Variants in KIAA2012 observed in about 807,000 individuals in gnomAD.
KIAA2012 encodes the protein KIAA2012, also known as uncharacterized protein KIAA2012.
In KIAA2012, 125 loss-of-function variants were observed where a neutral mutation model predicts 150.6. The observed-to-expected ratio is 0.83, with a 90% CI of 0.72 to 0.96. The LOEUF is 0.96. KIAA2012 is among the 40% of genes least tolerant of loss of function. The probability of loss-of-function intolerance (pLI) is 0.00; values close to 1 mark genes in which losing one functional copy is unlikely to be tolerated. For synonymous variants in KIAA2012, 462 were observed against 504.7 expected, an observed-to-expected ratio of 0.92 and a Z score of 1.13; for missense variants, 1,219 against 1,354.9, an observed-to-expected ratio of 0.90 and a Z score of 1.57.
chr2:202,187,142 G>C, intron 17 of KIAA2012, 44 bp downstream of exon 17: 2 of 1,539,798 alleles, frequency 1.3e-6, no homozygotes, highest in South Asian at 2.4e-5. Context: ...GCCCTACTTG[G>C]ATCTCATCAA....
chr2:202,201,626 G>A, intron 22 of KIAA2012: 5 of 1,610,876 alleles, frequency 3.1e-6, no homozygotes, highest in Non-Finnish European at 4.2e-6. Flanking sequence ...AAGCCATGGG[G>A]ATTGTGGAAC....
At chr2:202,195,034 C>T (rs781565533) in intron 21 of KIAA2012, among the ~76,000 whole-genome samples, 1 of 151,740 alleles carries the variant, frequency 6.6e-6, no homozygotes, top group Admixed American at 6.6e-5. Flanking sequence ...TCCCAAAGTG[C>T]TGGGATTACA....
chr2:202,175,512 A>G (rs1691974319), intron 15 of KIAA2012, among the ~76,000 whole-genome samples: 1 of 152,246 alleles, frequency 6.6e-6, no homozygotes, highest in Non-Finnish European at 1.5e-5. Flanking sequence ...ATGAGGGCAG[A>G]GCCCTCATAA....
Position 202,074,968 on chromosome 2 carries a change from C to G in KIAA2012, c.162C>G (p.His54Gln). ...AAGATAAGAACAATGCCAGTCAGCA[C>G]TCCTGGAGCCTCTTTCTCCCTAAAA... ...KPQDKNNASQ[H>Q]SWSLFLPKTF... Residue 54 changes from histidine to glutamine, a missense_variant, in exon 2 of 24, where the codon CAC (histidine) becomes CAG (glutamine). By Grantham distance (24) the His-to-Gln change is conservative. Coordinates refer to ENST00000498697, the MANE Select transcript of KIAA2012 (RefSeq NM_001277372.4). 1 of 1,550,900 alleles carries G rather than the reference C, an allele frequency of 6.4e-7. No homozygotes were observed. The highest frequency in any genetic ancestry group is 8.7e-7 in the Non-Finnish European group (1 of 1,147,060).
intron 5 of KIAA2012, among the ~76,000 whole-genome samples, chr2:202,099,362 AT>A (rs957651215): frequency 1.3e-5 from 2 of 151,918 alleles, no homozygotes; most frequent in Non-Finnish European, 2.9e-5. Context: ...AAATCTTGTG[AT>A]TTTTTTTCAC....
intron 11 of KIAA2012, chr2:202,114,935 C>T (rs1056322313): frequency 3.0e-5 from 5 of 167,482 alleles, no homozygotes; most frequent in African/African-American, 1.2e-4. Context: ...TGACCTTTCT[C>T]AAGCCTTTCC....
chr2:202,142,469 T>G (rs944533649), intron 13 of KIAA2012, among the ~76,000 whole-genome samples: 1 of 152,116 alleles, frequency 6.6e-6, no homozygotes, highest in African/African-American at 2.4e-5. Flanking sequence ...AGCCTAAGAG[T>G]GTAACATCAG....
At position 202,103,002 on chromosome 2, in the gene KIAA2012, GC is replaced by G; in HGVS notation, c.1216del (p.Leu406Ter). 6.4e-7 allele frequency: 1 copy of G among 1,550,534 alleles called. No individual in the cohort carries two copies. Among genetic ancestry groups the G allele is most frequent in the Non-Finnish European group, 8.7e-7 (1 of 1,146,992 alleles). On this transcript the variant is annotated frameshift_variant, in exon 8 of 24. Coordinates refer to ENST00000498697, the MANE Select transcript of KIAA2012 (RefSeq NM_001277372.4). LOFTEE classifies it high-confidence loss of function. The part of the protein sequence containing the change: ...ISEEPPRVLE[P>X]LKSQFKANEP... ...CAGAAGAACCACCCAGAGTCTTGGAGCCCCTGAAGAGCCAATTTAAAGCCAA... is the reference window on the plus strand; with the variant it reads ...CAGAAGAACCACCCAGAGTCTTGGAGCCCTGAAGAGCCAATTTAAAGCCAA...
At chr2:202,117,424 G>C (rs1006861942) in intron 11 of KIAA2012, among the ~76,000 whole-genome samples, 1 of 152,174 alleles carries the variant, frequency 6.6e-6, no homozygotes, top group African/African-American at 2.4e-5. Context: ...CATGTTGGTG[G>C]GGTACTGTTT....
Position 202,142,369 on chromosome 2 carries a change from A to G in KIAA2012, c.1908+3861A>G, listed in dbSNP as rs148658513. Reference sequence around the variant, plus strand: ...ATGTATTTCTGACTTCCGGGAATTTATCCTAAGGAAATAATTCAACAGAAA... The same window carrying G: ...ATGTATTTCTGACTTCCGGGAATTTGTCCTAAGGAAATAATTCAACAGAAA... On this transcript the variant is annotated intron_variant, in intron 13 of 23. Transcript: ENST00000498697. 3.2e-4 allele frequency among the ~76,000 whole-genome samples: 49 copies of G among 152,362 alleles called. 3 individuals are homozygous for G. The East Asian group carries it at 9.1e-3, about 28-fold the overall frequency.
chr2:202,152,061 G>T (rs1364171505), intron 13 of KIAA2012, among the ~76,000 whole-genome samples: 1 of 152,108 alleles, frequency 6.6e-6, no homozygotes, highest in Non-Finnish European at 1.5e-5. Context: ...CACTGCACCG[G>T]ACCTAGCATG....
chr2:202,182,311 G>A (rs111805800), intron 15 of KIAA2012, among the ~76,000 whole-genome samples: 4,215 of 151,574 alleles, frequency 0.028, 101 homozygotes, highest in Middle Eastern at 0.048. Flanking sequence ...GGGTTTCTCC[G>A]TGTTGGTCAG....
In KIAA2012 at chr2:202,099,673, A is replaced by T; in HGVS notation, c.889A>T (p.Thr297Ser). The T allele has an allele frequency of 6.4e-7, 1 of 1,550,516 alleles. No homozygotes were observed. Among genetic ancestry groups the T allele is most frequent in the South Asian group, 1.2e-5 (1 of 84,060 alleles). Residue 297 changes from threonine (T) to serine (S), a missense_variant, in exon 6 of 24, where the codon ACA (threonine) becomes TCA (serine). By Grantham distance (58) the Thr-to-Ser change is moderately conservative (BLOSUM62 1). Coordinates refer to ENST00000498697, the MANE Select transcript of KIAA2012 (RefSeq NM_001277372.4). ...TTCAAAGGAGAGCTACAATGAAAAG[A>T]CACAGCAAACCTCCAGGAAGGCCTT... Reference protein sequence around the residue: ...YASKESYNEKTQQTSRKAFGH... With the variant: ...YASKESYNEKSQQTSRKAFGH...
intron 21 of KIAA2012, among the ~76,000 whole-genome samples, chr2:202,194,841 T>C (rs1408823699): frequency 6.6e-6 from 1 of 152,198 alleles, no homozygotes; most frequent in Non-Finnish European, 1.5e-5. Context: ...TGATCTCAGC[T>C]CACTGCAACC....
chr2:202,180,855 G>A (rs7567620), intron 15 of KIAA2012, among the ~76,000 whole-genome samples: 366 of 152,162 alleles, frequency 2.4e-3, no homozygotes, highest in African/African-American at 8.2e-3. Flanking sequence ...TCCTTTCAAG[G>A]ATATTCTATG....
chr2:202,075,338 C>G (rs1263340585), intron 2 of KIAA2012, among the ~76,000 whole-genome samples, 163 bp downstream of exon 2: 1 of 152,208 alleles, frequency 6.6e-6, no homozygotes, highest in East Asian at 1.9e-4. Flanking sequence ...TTAGCCCTAT[C>G]TGCTGCACAC....
At chr2:202,094,480 T>A (rs1322327694) in intron 4 of KIAA2012, among the ~76,000 whole-genome samples, 1 of 152,032 alleles carries the variant, frequency 6.6e-6, no homozygotes, top group Non-Finnish European at 1.5e-5. Context: ...CTTTTTTTTC[T>A]TTTTCTTTCT....
chr2:202,109,067 C>G (rs1242040576), intron 9 of KIAA2012, among the ~76,000 whole-genome samples: 1 of 152,150 alleles, frequency 6.6e-6, no homozygotes, highest in East Asian at 1.9e-4. Context: ...TGACTTCCAT[C>G]TGGAAGGTAG....
rs71406952 is a variant in KIAA2012, at chr2:202,192,454, CTTTTTTT to C, written c.2812-832_2812-826del. Among the ~76,000 whole-genome samples the C allele has an allele frequency of 1.2e-4, 14 of 120,354 alleles. No individual in the cohort carries two copies. In the South Asian group the frequency reaches 3.5e-3, roughly 30 times the overall value. The allele number at this position is 120,354 out of a possible 152,430, so 79.0% of individuals were successfully genotyped here. A position where few individuals can be genotyped will look rare whatever the true frequency, so the allele number is the denominator to read the frequency against. ...AAGATTGCCCCTGGTAAAATAGCTTCTTTTTTTTTTTTTTTTTTTTTAGAGGGAGCTT... is the reference window on the plus strand; with the variant it reads ...AAGATTGCCCCTGGTAAAATAGCTTCTTTTTTTTTTTTTTAGAGGGAGCTT... On this transcript the variant is annotated intron_variant, in intron 19 of 23. Coordinates refer to ENST00000498697, the MANE Select transcript of KIAA2012 (RefSeq NM_001277372.4).
Sources: gnomAD v4.1 joint callset for allele counts (sites outside exome capture counted in the v4.1 genomes callset) on GRCh38, gnomAD v4.1.1 for gene constraint, MANE v1.5 for transcripts, NCBI Gene and HGNC (gene_info 2026-07-23, HGNC 2026-07-21) for gene names.